MIR2052HG: variants seen among roughly 807,000 people sequenced by gnomAD.
MIR2052HG encodes the protein MIR2052 host gene.
intron 1 of MIR2052HG, among the ~76,000 whole-genome samples, chr8:74,602,873 C>CTTTCTTTCTTTCTTTCTTTCTTTCTTTCT (rs940052573): frequency 2.4e-4 from 34 of 138,792 alleles, no homozygotes; most frequent in African/African-American, 7.1e-4. Context: ...TTCTTTCTTT[C>CTTTCTTTCTTTCTTTCTTTCTTTCTTTCT]TTTTTTCTAT....
At chr8:74,681,286 T>C (rs1045701374) in intron 2 of MIR2052HG, among the ~76,000 whole-genome samples, 2 of 151,940 alleles carry the variant, frequency 1.3e-5, no homozygotes, top group Non-Finnish European at 2.9e-5. Context: ...ACAATGCAAT[T>C]CCAGCAAAAA....
At chr8:74,726,723 T>C (rs1234268660) in intron 4 of MIR2052HG, among the ~76,000 whole-genome samples, 1 of 152,226 alleles carries the variant, frequency 6.6e-6, no homozygotes, top group African/African-American at 2.4e-5. Context: ...GTGGGCGTTA[T>C]ATGGCATGGC....
intron 4 of MIR2052HG, among the ~76,000 whole-genome samples, chr8:74,719,545 G>GTAT (rs1279688602): frequency 3.3e-5 from 5 of 152,128 alleles, no homozygotes; most frequent in Non-Finnish European, 5.9e-5. Context: ...CTGGTATCAT[G>GTAT]TATTAGCAAG....
intron 4 of MIR2052HG, among the ~76,000 whole-genome samples, chr8:74,736,928 G>T (rs1405846374): frequency 1.3e-5 from 2 of 152,168 alleles, no homozygotes; most frequent in Non-Finnish European, 2.9e-5. Flanking sequence ...AATAGGGTCT[G>T]CAGAGAGGGA....
At chr8:74,610,054 G>A (rs1337300496) in intron 1 of MIR2052HG, 2 of 151,558 alleles carry the variant, frequency 1.3e-5, no homozygotes, top group African/African-American at 4.8e-5. Flanking sequence ...TAATGGAAAA[G>A]AAAAAATGTC....
rs1016999908 is a variant in MIR2052HG, at chr8:74,605,210, T to G, written n.128+5302T>G. Among the ~76,000 whole-genome samples the G allele has an allele frequency of 2.2e-4, 33 of 152,164 alleles. 1 individual carries two copies. The highest frequency in any genetic ancestry group is 6.5e-5 in the Admixed American group (1 of 15,284). On this transcript the variant is annotated intron_variant and non_coding_transcript_variant, in intron 1 of 6. Transcript: ENST00000523442. ...GTGGTTTAGGTTGCCATTACTTGCA[T>G]GCTATTTTTACATGAGGGGTAACTG...
intron 4 of MIR2052HG, chr8:74,705,727 A>G (rs954383936): frequency 5.9e-6 from 1 of 170,204 alleles, no homozygotes; most frequent in Admixed American, 6.6e-5. Context: ...TTTAGTTCAA[A>G]GTTACCAGCT....
chr8:74,614,540 T>A (rs1393859596), intron 2 of MIR2052HG, among the ~76,000 whole-genome samples: 1 of 152,140 alleles, frequency 6.6e-6, no homozygotes, highest in African/African-American at 2.4e-5. Context: ...ATTAAATTCT[T>A]TTATAACTTG....
chr8:74,615,591 A>C (rs945512870), intron 2 of MIR2052HG, among the ~76,000 whole-genome samples: 1 of 151,452 alleles, frequency 6.6e-6, no homozygotes, highest in Non-Finnish European at 1.5e-5. Context: ...TGGCAACTCC[A>C]TTGTCTTGTG....
intron 1 of MIR2052HG, chr8:74,604,248 G>C: frequency 1.1e-6 from 1 of 878,212 alleles, no homozygotes; most frequent in Non-Finnish European, 1.9e-6. Context: ...TTTCCATGTC[G>C]AGCAGTGTTC....
intron 2 of MIR2052HG, among the ~76,000 whole-genome samples, chr8:74,628,371 T>C (rs897570960): frequency 6.6e-6 from 1 of 152,114 alleles, no homozygotes; most frequent in Non-Finnish European, 1.5e-5. Context: ...AATGTGATAA[T>C]CTCTAAGTCC....
intron 4 of MIR2052HG, among the ~76,000 whole-genome samples, chr8:74,718,152 A>T (rs1809539283): frequency 6.6e-6 from 1 of 152,214 alleles, no homozygotes; most frequent in Non-Finnish European, 1.5e-5. Context: ...CAATGGAGAC[A>T]TTTAACTTTA....
At chr8:74,681,355 G>A (rs564005444) in intron 2 of MIR2052HG, among the ~76,000 whole-genome samples, 1 of 151,286 alleles carries the variant, frequency 6.6e-6, no homozygotes, top group South Asian at 2.1e-4. Flanking sequence ...AGATGAAGAG[G>A]GTCTACAGGT....
At chr8:74,703,018 G>A (rs1014199149) in intron 3 of MIR2052HG, among the ~76,000 whole-genome samples, 1 of 152,040 alleles carries the variant, frequency 6.6e-6, no homozygotes, top group African/African-American at 2.4e-5. Flanking sequence ...GTTGAAGGGG[G>A]TCCTGCAATT....
At chr8:74,600,511 G>T (rs904368162) in intron 1 of MIR2052HG, among the ~76,000 whole-genome samples, 50 of 151,086 alleles carry the variant, frequency 3.3e-4, no homozygotes, top group Admixed American at 2.6e-4. Context: ...GAACCGGGGA[G>T]GCGGAGGTTG....
intron 4 of MIR2052HG, among the ~76,000 whole-genome samples, chr8:74,745,500 G>T (rs1387150261): frequency 6.6e-6 from 1 of 152,016 alleles, no homozygotes; most frequent in Admixed American, 6.6e-5. Context: ...CTGATGAATC[G>T]ATAGTAGCAG....
intron 2 of MIR2052HG, among the ~76,000 whole-genome samples, chr8:74,616,739 C>T (rs1484709543): frequency 6.6e-6 from 1 of 152,106 alleles, no homozygotes; most frequent in African/African-American, 2.4e-5. Flanking sequence ...TTCTTTCCCT[C>T]GTACTCTGTC....
intron 2 of MIR2052HG, among the ~76,000 whole-genome samples, chr8:74,665,178 T>A (rs930555061): frequency 2.8e-4 from 42 of 152,208 alleles, no homozygotes; most frequent in African/African-American, 9.4e-4. Context: ...AATCTCTGCC[T>A]TTTTTGATTT....
chr8:74,648,643 C>T (rs1340088268), intron 2 of MIR2052HG, among the ~76,000 whole-genome samples: 1 of 152,154 alleles, frequency 6.6e-6, no homozygotes, highest in Non-Finnish European at 1.5e-5. Context: ...TCTCTTTGTA[C>T]TCTTTCTCTT....
Sources: gnomAD v4.1 joint callset for allele counts (sites outside exome capture counted in the v4.1 genomes callset) on GRCh38, gnomAD v4.1.1 for gene constraint, MANE v1.5 for transcripts, NCBI Gene and HGNC (gene_info 2026-07-23, HGNC 2026-07-21) for gene names.